MATN3: variants seen among roughly 807,000 people sequenced by gnomAD.
The protein encoded by MATN3 is matrilin-3.
Under a neutral mutation model 45.3 loss-of-function variants are expected in MATN3, and 48 were observed. The observed-to-expected ratio is 1.06, with a 90% CI of 0.84 to 1.35. The LOEUF (loss-of-function observed/expected upper bound fraction) is 1.35, where lower values mean the gene tolerates loss of function less well. Among genes scored for constraint, MATN3 ranks in the 40% most tolerant of loss-of-function variants. The pLI is 0.00. For missense variants in MATN3, 599 were observed against 628.0 expected (o/e 0.95, Z 0.49); for synonymous variants, 217 against 245.9 (o/e 0.88, Z 1.10).
At chr2:19,997,023 G>A (rs1163237619) in intron 6 of MATN3, 111 bp downstream of exon 6, 9 of 1,183,866 alleles carry the variant, frequency 7.6e-6, no homozygotes, top group Non-Finnish European at 8.5e-6. Context: ...AGCCACTGGA[G>A]AATTCTGACA....
rs1673233294 is a variant in MATN3, at chr2:20,012,329, C to T, written c.223+80G>A. The T allele has an allele frequency of 3.6e-6, 4 of 1,111,748 alleles. No individual in the cohort carries two copies. In the Admixed American group the frequency reaches 1.3e-4, roughly 36 times the overall value. 68.9% of individuals were successfully genotyped at this position (1,111,748 alleles called of 1,614,324 possible). ...CCCCGCACCACGGTCGGCCTGAGGC[C>T]GGGATGAAGCGCGCTTGGTGGATGC... is the stretch of plus-strand genomic sequence containing the variant. On this transcript the variant is annotated intron_variant, in intron 1 of 7. Coordinates refer to ENST00000407540, the MANE Select transcript of MATN3 (RefSeq NM_002381.5). This position sits in a 1 kb window ranked among gnomAD's most constrained non-coding sequence, Gnocchi z 4.3.
intron 2 of MATN3, among the ~76,000 whole-genome samples, 163 bp downstream of exon 2, chr2:20,005,581 C>T (rs756895540): frequency 6.6e-6 from 1 of 152,116 alleles, no homozygotes; most frequent in Non-Finnish European, 1.5e-5. Flanking sequence ...TTAGGTTGGT[C>T]GCACACACGC....
At chr2:19,993,848 G>A (rs1369190561) in intron 7 of MATN3, among the ~76,000 whole-genome samples, 1 of 152,172 alleles carries the variant, frequency 6.6e-6, no homozygotes, top group African/African-American at 2.4e-5. Context: ...GAAAGTTTCT[G>A]AGATTGTATC....
In MATN3 at chr2:20,006,118, G is replaced by C. The variant is rs765511174; in HGVS notation, c.416C>G (p.Ala139Gly). The C allele has an allele frequency of 2.5e-6, 4 of 1,613,990 alleles. No individual in the cohort carries two copies. The South Asian group carries it at 4.4e-5, about 18-fold the overall frequency. Residue 139 changes from alanine (A) to glycine (G), a missense_variant, in exon 2 of 8, where the codon GCC becomes GGC. Coordinates refer to ENST00000407540, the MANE Select transcript of MATN3 (RefSeq NM_002381.5). ...STVKIEFQLQAYTDKQSLKQA... is the reference protein window; with the variant it reads ...STVKIEFQLQGYTDKQSLKQA... ...CTTCAGGGACTGCTTATCTGTGTAG[G>C]CCTGGAGTTGGAACTCGATCTTCAC... is the stretch of plus-strand genomic sequence containing the variant.
chr2:19,994,537 A>G (rs1672823591), intron 6 of MATN3, 128 bp from the exon 7 acceptor site: 1 of 617,942 alleles, frequency 1.6e-6, no homozygotes, highest in Non-Finnish European at 2.8e-6. Context: ...TCCAAGAGGT[A>G]AAGGGATAGA....
intron 1 of MATN3, among the ~76,000 whole-genome samples, chr2:20,009,967 C>T (rs1673184153): frequency 6.7e-6 from 1 of 149,972 alleles, no homozygotes; most frequent in Non-Finnish European, 1.5e-5. Context: ...AAACAAGCTG[C>T]ACCCTGACCA....
chr2:19,993,202 A>C (rs767120518), intron 7 of MATN3, 36 bp from the exon 8 acceptor site: 1 of 1,462,846 alleles, frequency 6.8e-7, no homozygotes, highest in Admixed American at 1.7e-5. Context: ...ATTTATTTTT[A>C]CACATTAGAA....
chr2:19,993,482 T>A (rs1201849356), intron 7 of MATN3, among the ~76,000 whole-genome samples: 1 of 152,196 alleles, frequency 6.6e-6, no homozygotes, highest in Non-Finnish European at 1.5e-5. Flanking sequence ...AGTTGGATTG[T>A]CCCTTTGTTT....
intron 3 of MATN3, 81 bp from the exon 4 acceptor site, chr2:20,002,161 T>TACACACACACACACACACAC (rs35083474): frequency 2.5e-5 from 16 of 647,562 alleles, no homozygotes; most frequent in East Asian, 1.2e-4. Flanking sequence ...CTTACAGTTA[T>TACACACACACACACACACAC]ACACACACAC....
chr2:19,999,626 TAAAAAAAAAAAA>T (rs56100312), intron 5 of MATN3, among the ~76,000 whole-genome samples: 1 of 120,194 alleles, frequency 8.3e-6, no homozygotes. Flanking sequence ...GGTTTCCCTT[TAAAAAAAAAAAA>T]AAAAAAAAAA....
At position 19,992,194 on chromosome 2, in the gene MATN3, G is replaced by A. The variant is rs1230347924; in HGVS notation, c.*917C>T. 6.6e-6 allele frequency: 1 copy of A among 152,062 alleles called. No individual in the cohort carries two copies. The highest frequency in any genetic ancestry group is 6.5e-5 in the Admixed American group (1 of 15,276). 9.4% of individuals were successfully genotyped at this position (152,062 alleles called of 1,614,324 possible). A position where few individuals can be genotyped will look rare whatever the true frequency, so the allele number is the denominator to read the frequency against. On this transcript the variant is annotated 3_prime_UTR_variant, in exon 8 of 8. Transcript: ENST00000407540. ...TGAGCAGTGCAAAATTTAAAGGACT[G>A]TTTTGTTCTCAAAGTTGCAAGTTTC...
chr2:20,008,852 T>C (rs1673163647), intron 1 of MATN3, among the ~76,000 whole-genome samples: 1 of 152,150 alleles, frequency 6.6e-6, no homozygotes, highest in Non-Finnish European at 1.5e-5. Flanking sequence ...CATTCTCTCA[T>C]GTATTCAGTA....
At position 20,012,327 on chromosome 2, in the gene MATN3, G is replaced by T; in HGVS notation, c.223+82C>A. 9.1e-7 allele frequency: 1 copy of T among 1,101,870 alleles called. No individual in the cohort carries two copies. The highest frequency in any genetic ancestry group is 1.1e-6 in the Non-Finnish European group (1 of 871,872). The allele number at this position is 1,101,870 out of a possible 1,614,324, so 68.3% of individuals were successfully genotyped here. ...TCCCCCGCACCACGGTCGGCCTGAG[G>T]CCGGGATGAAGCGCGCTTGGTGGAT... On this transcript the variant is annotated intron_variant, in intron 1 of 7. Transcript: ENST00000407540. This position sits in a 1 kb window ranked among gnomAD's most constrained non-coding sequence, Gnocchi z 4.3.
rs56100312 is a variant in MATN3 at position 19,999,626 on chromosome 2, T to TAAA, written c.1168+812_1168+814dup. On this transcript the variant is annotated intron_variant, in intron 5 of 7. Coordinates refer to ENST00000407540, the MANE Select transcript of MATN3 (RefSeq NM_002381.5). ...CGGTATTTTTTTACTGGTTTCCCTTTAAAAAAAAAAAAAAAAAAAAAAAAG... is the reference window on the plus strand; with the variant it reads ...CGGTATTTTTTTACTGGTTTCCCTTTAAAAAAAAAAAAAAAAAAAAAAAAAAAG... Among the ~76,000 whole-genome samples, 9 of 120,168 alleles carry TAAA rather than the reference T, an allele frequency of 7.5e-5. No homozygotes were observed. The South Asian group carries it at 8.5e-4, about 11-fold the overall frequency. The allele number at this position is 120,168 out of a possible 152,430, so 78.8% of individuals were successfully genotyped here.
chr2:20,004,825 A>G (rs1302421880), intron 2 of MATN3, among the ~76,000 whole-genome samples: 1 of 152,232 alleles, frequency 6.6e-6, no homozygotes, highest in Non-Finnish European at 1.5e-5. Context: ...GCAAAAAGAT[A>G]TCTATGTTTA....
chr2:20,012,550 G>GGGCGGCGGAGGGCAGC lies in MATN3; in HGVS notation c.66_81dup (p.Pro28AlafsTer67). 9.8e-6 allele frequency: 12 copies of GGGCGGCGGAGGGCAGC among 1,226,364 alleles called. No individual in the cohort carries two copies. The highest frequency in any genetic ancestry group is 1.2e-5 in the Non-Finnish European group (12 of 984,926). The allele number at this position is 1,226,364 out of a possible 1,614,324, so 76.0% of individuals were successfully genotyped here. A position where few individuals can be genotyped will look rare whatever the true frequency, so the allele number is the denominator to read the frequency against. On this transcript the variant is annotated frameshift_variant, in exon 1 of 8. Transcript: ENST00000407540. LOFTEE classifies it high-confidence loss of function. This position sits in a 1 kb window ranked among gnomAD's most constrained non-coding sequence, Gnocchi z 4.3. ...AAGCCCGGGCGGGCCACGGGGTCGGGGGCGGCGGAGGGCAGCAGCAGCAGC... is the reference window on the plus strand; with the variant it reads ...AAGCCCGGGCGGGCCACGGGGTCGGGGGCGGCGGAGGGCAGCGGCGGCGGAGGGCAGCAGCAGCAGC...
In MATN3 at chr2:19,995,138, G is replaced by A. The variant is rs1672840860; in HGVS notation, c.1295-729C>T. ...AAACTAGGACAATAGTCCTCTATTTGTATGGCTAAAATATACCAAAGATGA... is the reference window on the plus strand; with the variant it reads ...AAACTAGGACAATAGTCCTCTATTTATATGGCTAAAATATACCAAAGATGA... On this transcript the variant is annotated intron_variant, in intron 6 of 7. Transcript: ENST00000407540. This position sits in a 1 kb window ranked among gnomAD's most constrained non-coding sequence, Gnocchi z 4.2. Among the ~76,000 whole-genome samples, 1 of 151,872 alleles carries A rather than the reference G, an allele frequency of 6.6e-6. No homozygotes were observed. The highest frequency in any genetic ancestry group is 1.5e-5 in the Non-Finnish European group (1 of 67,974).
At chr2:20,008,018 G>A (rs925356636) in intron 1 of MATN3, among the ~76,000 whole-genome samples, 3 of 152,014 alleles carry the variant, frequency 2.0e-5, no homozygotes, top group Non-Finnish European at 2.9e-5. Context: ...GCTGGAGTGC[G>A]GTGGTGCAAT....
In MATN3 at chr2:20,010,066, C is replaced by CAAAAAAAAAAAAAAAAAAAAAAAAA. The variant is rs1558376342; in HGVS notation, c.223+2342_223+2343insTTTTTTTTTTTTTTTTTTTTTTTTT. Among the ~76,000 whole-genome samples, 16 of 5,554 alleles carry CAAAAAAAAAAAAAAAAAAAAAAAAA rather than the reference C, an allele frequency of 2.9e-3. 1 individual carries two copies. Among genetic ancestry groups the CAAAAAAAAAAAAAAAAAAAAAAAAA allele is most frequent in the African/African-American group, 6.8e-3 (3 of 442 alleles). 3.6% of individuals were successfully genotyped at this position (5,554 alleles called of 152,430 possible). ...GTCTCAGAATAAATCTCTTCAAATA[C>CAAAAAAAAAAAAAAAAAAAAAAAAA]TAAAAAAAAAAAAAAAAAAAAAAAC... On this transcript the variant is annotated intron_variant, in intron 1 of 7. Coordinates refer to ENST00000407540, the MANE Select transcript of MATN3 (RefSeq NM_002381.5).
Sources: gnomAD v4.1 joint callset for allele counts (sites outside exome capture counted in the v4.1 genomes callset) on GRCh38, gnomAD v4.1.1 for gene constraint, Gnocchi (gnomAD v3.1) non-coding constraint, MANE v1.5 for transcripts, NCBI Gene and HGNC (gene_info 2026-07-23, HGNC 2026-07-21) for gene names.